The following PLEKHA7 variants were observed in gnomAD, a reference collection of about 807,000 sequenced individuals.
PLEKHA7 encodes the protein pleckstrin homology domain containing A7.
In PLEKHA7, 104 loss-of-function variants were observed where a neutral mutation model predicts 170.0. The ratio of observed to expected loss-of-function variants is 0.61; its 90% CI spans 0.52 to 0.72. PLEKHA7 has a LOEUF of 0.72. PLEKHA7 is among the 30% of genes least tolerant of loss of function. The pLI is 0.00. For synonymous variants in PLEKHA7, 648 were observed against 660.8 expected, an observed-to-expected ratio of 0.98 and a Z score of 0.30; for missense variants, 1,615 against 1,671.7, an observed-to-expected ratio of 0.97 and a Z score of 0.59.
At chr11:16,797,002 AT>A (rs1308683313) in intron 17 of PLEKHA7, among the ~76,000 whole-genome samples, 1 of 152,210 alleles carries the variant, frequency 6.6e-6, no homozygotes, top group African/African-American at 2.4e-5. Flanking sequence ...GAAATATATG[AT>A]AAAGCTGTTA....
At chr11:16,819,252 C>T (rs1239203141) in intron 10 of PLEKHA7, among the ~76,000 whole-genome samples, 3 of 152,224 alleles carry the variant, frequency 2.0e-5, no homozygotes, top group Admixed American at 6.5e-5. Flanking sequence ...TGTGCACCAC[C>T]ACGCCTGGCT....
At chr11:16,890,504 T>A (rs1366364017) in intron 3 of PLEKHA7, among the ~76,000 whole-genome samples, 1 of 152,192 alleles carries the variant, frequency 6.6e-6, no homozygotes, top group East Asian at 1.9e-4. Context: ...TTATATCAGA[T>A]AAAACAGACT....
At chr11:16,958,939 G>A (rs1861873661) in intron 3 of PLEKHA7, among the ~76,000 whole-genome samples, 1 of 152,158 alleles carries the variant, frequency 6.6e-6, no homozygotes, top group South Asian at 2.1e-4. Context: ...GTGGGTACAG[G>A]CGGGTGGGGG....
chr11:16,813,124 G>A lies in PLEKHA7; in HGVS notation c.1996C>T (p.Leu666=), dbSNP rs751232295. 9 of 1,613,416 alleles carry A rather than the reference G, an allele frequency of 5.6e-6. No homozygotes were observed. Among genetic ancestry groups the A allele is most frequent in the African/African-American group, 2.7e-5 (2 of 74,916 alleles). The change falls in exon 13 of 27, where the codon CTG becomes TTG. Residue 666 remains leucine (L), a synonymous_variant. Coordinates refer to ENST00000531066, the MANE Select transcript of PLEKHA7 (RefSeq NM_001329630.2). ...YLQLKKDLEY[L]DLKMTGRDLL... Reference sequence around the variant, plus strand: ...CTGATGTCACTTACCTTTAGATCCAGGTACTCCAGGTCTTTCTTCAGCTGG... The same window carrying A: ...CTGATGTCACTTACCTTTAGATCCAAGTACTCCAGGTCTTTCTTCAGCTGG...
intron 9 of PLEKHA7, among the ~76,000 whole-genome samples, chr11:16,836,949 G>A (rs9633895): frequency 0.46 from 69,871 of 151,800 alleles, 17,785 homozygotes; most frequent in East Asian, 0.71. Context: ...TCAGCCTTCT[G>A]AGTAGCTGGG....
At chr11:16,876,857 A>G (rs2135740798) in intron 3 of PLEKHA7, among the ~76,000 whole-genome samples, 1 of 152,348 alleles carries the variant, frequency 6.6e-6, no homozygotes, top group South Asian at 2.1e-4. Flanking sequence ...GGTTCCAATT[A>G]CTTGGCACAG....
chr11:16,816,324 G>A (rs987306382), intron 11 of PLEKHA7, 60 bp from the exon 12 acceptor site: 84 of 1,284,126 alleles, frequency 6.5e-5, no homozygotes, highest in Non-Finnish European at 8.9e-5. Context: ...TCACTCCCAG[G>A]GAAGCCGCCC....
At chr11:16,816,054 TCA>T (rs755771012) in intron 12 of PLEKHA7, 122 bp downstream of exon 12, 69 of 790,518 alleles carry the variant, frequency 8.7e-5, no homozygotes, top group Non-Finnish European at 1.4e-4. Context: ...TCTCTGAGCC[TCA>T]GTTTCCTCAT....
chr11:16,816,241 G>A lies in PLEKHA7; in HGVS notation c.1890C>T (p.Arg630=), dbSNP rs217750. 0.14 allele frequency: 230,955 copies of A among 1,611,928 alleles called. 18,523 individuals carry two copies. Among genetic ancestry groups the A allele is most frequent in the African/African-American group, 0.22 (16,459 of 74,880 alleles). Residue 630 remains arginine, a synonymous_variant, in exon 12 of 27, where the codon CGC becomes CGT. Coordinates refer to ENST00000531066, the MANE Select transcript of PLEKHA7 (RefSeq NM_001329630.2). Reference sequence around the variant, plus strand: ...TCATGTAACCCATGGAGGGCATGGAGCGTCGGTCCACATGAGATGAGTTCT... The same window carrying A: ...TCATGTAACCCATGGAGGGCATGGAACGTCGGTCCACATGAGATGAGTTCT... ...AVKNSSHVDR[R]SMPSMGYMTH...
intron 3 of PLEKHA7, among the ~76,000 whole-genome samples, chr11:16,897,100 A>G (rs1201787809): frequency 6.6e-6 from 1 of 152,216 alleles, no homozygotes; most frequent in Non-Finnish European, 1.5e-5. Context: ...AGTCTCATGC[A>G]ATGCAATGAC....
chr11:16,921,719 T>C (rs1039220058), intron 3 of PLEKHA7, among the ~76,000 whole-genome samples: 15 of 152,194 alleles, frequency 9.9e-5, no homozygotes, highest in African/African-American at 2.9e-4. Flanking sequence ...TGAGATAATA[T>C]ATGAACATAC....
In PLEKHA7 at chr11:16,841,671, A is replaced by G. The variant is rs769386034; in HGVS notation, c.748T>C (p.Ser250Pro). 2 of 1,613,992 alleles carry G rather than the reference A, an allele frequency of 1.2e-6. No homozygotes were observed. The highest frequency in any genetic ancestry group is 1.7e-6 in the Non-Finnish European group (2 of 1,180,008). ...ALIYNSSTAGSQAEQSGMRTY... is the reference protein window; with the variant it reads ...ALIYNSSTAGPQAEQSGMRTY... ...CTCATGCCTGACTGCTCGGCCTGAG[A>G]GCCCGCTGTGGAGCTGTTATAGATG... The change falls in exon 9 of 27, where the codon TCT becomes CCT. Residue 250 changes from serine to proline, a missense_variant. Transcript: ENST00000531066.
intron 3 of PLEKHA7, among the ~76,000 whole-genome samples, chr11:16,907,020 T>C (rs1249152316): frequency 5.5e-5 from 8 of 144,980 alleles, no homozygotes; most frequent in African/African-American, 1.9e-4. Context: ...AACCGCCCCG[T>C]CTGAGAAGTG....
At chr11:16,850,503 G>A (rs1031675493) in intron 8 of PLEKHA7, among the ~76,000 whole-genome samples, 10 of 152,146 alleles carry the variant, frequency 6.6e-5, no homozygotes, top group Non-Finnish European at 1.5e-4. Context: ...ATCCATGGAG[G>A]CCACCAATGG....
At chr11:16,911,713 G>A (rs1858262205) in intron 3 of PLEKHA7, among the ~76,000 whole-genome samples, 1 of 152,060 alleles carries the variant, frequency 6.6e-6, no homozygotes, top group Non-Finnish European at 1.5e-5. Flanking sequence ...CTGTCTTCTA[G>A]ACCCAAACTG....
chr11:16,945,951 CT>C (rs1408340923), intron 3 of PLEKHA7, among the ~76,000 whole-genome samples: 1 of 152,180 alleles, frequency 6.6e-6, no homozygotes, highest in Non-Finnish European at 1.5e-5. Flanking sequence ...GTGCTCTTTG[CT>C]TTGCTTTTAA....
At chr11:16,800,601 C>A (rs1240041448) in intron 17 of PLEKHA7, among the ~76,000 whole-genome samples, 1 of 152,208 alleles carries the variant, frequency 6.6e-6, no homozygotes, top group Non-Finnish European at 1.5e-5. Flanking sequence ...GTGGGCACTT[C>A]CTGCTGCTGT....
chr11:16,839,258 A>G (rs1194940321), intron 9 of PLEKHA7, among the ~76,000 whole-genome samples: 3 of 152,070 alleles, frequency 2.0e-5, no homozygotes, highest in Non-Finnish European at 4.4e-5. Flanking sequence ...AGAATCCTAT[A>G]TATTTCTATA....
intron 17 of PLEKHA7, among the ~76,000 whole-genome samples, chr11:16,798,200 C>T (rs542630854): frequency 6.6e-6 from 1 of 152,350 alleles, no homozygotes; most frequent in Non-Finnish European, 1.5e-5. Context: ...ATCTGCAGTG[C>T]TGATGATTTT....
Sources: gnomAD v4.1 joint callset for allele counts (sites outside exome capture counted in the v4.1 genomes callset) on GRCh38, gnomAD v4.1.1 for gene constraint, MANE v1.5 for transcripts, NCBI Gene and HGNC (gene_info 2026-07-23, HGNC 2026-07-21) for gene names.